The following IKZF4 variants were observed in gnomAD, a reference collection of about 807,000 sequenced individuals.
IKZF4 encodes the protein IKAROS family zinc finger 4, also known as zinc finger protein Eos.
A neutral mutation model predicts 47.7 loss-of-function variants in IKZF4; 11 were observed. The ratio of observed to expected loss-of-function variants is 0.23; its 90% CI spans 0.15 to 0.38. The LOEUF is 0.38. Among genes scored for constraint, IKZF4 ranks in the 10% least tolerant of loss-of-function variants. The pLI is 1.00. For synonymous variants in IKZF4, 298 were observed against 299.4 expected (o/e 1.00, Z 0.05); for missense variants, 557 against 784.9 (o/e 0.71, Z 3.47).
At chr12:56,033,677 A>G (rs551139276) in intron 7 of IKZF4, among the ~76,000 whole-genome samples, 2 of 152,144 alleles carry the variant, frequency 1.3e-5, no homozygotes, top group South Asian at 4.1e-4. Context: ...ACTGCACTCC[A>G]TCCATCCTGG....
At chr12:56,014,287 A>T in intron 2 of IKZF4, among the ~76,000 whole-genome samples, 1 of 152,260 alleles carries the variant, frequency 6.6e-6, no homozygotes, top group East Asian at 1.9e-4. Context: ...TAAGCAGGAA[A>T]GCTCAGTTTA....
chr12:56,025,001 C>T, intron 2 of IKZF4, 53 bp from the exon 3 acceptor site: 1 of 1,552,510 alleles, frequency 6.4e-7, no homozygotes, highest in Non-Finnish European at 8.7e-7. Context: ...AGGCAATGGA[C>T]AGTAGATATC....
chr12:56,035,034 G>C lies in IKZF4; in HGVS notation c.1461G>C (p.Val487=), dbSNP rs775078028. ...PPPQPPPTIV[V]GRHSPAYAKE... ...CCCAGCCACCTCCCACCATTGTGGTGGGCCGGCACAGTCCTGCCTACGCCA... is the reference window on the plus strand; with the variant it reads ...CCCAGCCACCTCCCACCATTGTGGTCGGCCGGCACAGTCCTGCCTACGCCA... The change falls in exon 8 of 8, where the codon GTG becomes GTC. Residue 487 remains valine (V), a synonymous_variant. Coordinates refer to ENST00000547167, the MANE Select transcript of IKZF4 (RefSeq NM_022465.4). This position sits in a 1 kb window ranked among gnomAD's most constrained non-coding sequence, Gnocchi z 6.1. 2 of 1,560,436 alleles carry C rather than the reference G, an allele frequency of 1.3e-6. No homozygotes were observed. Among genetic ancestry groups the C allele is most frequent in the Non-Finnish European group, 1.7e-6 (2 of 1,151,842 alleles).
chr12:56,008,419 C>T (rs1483169201), intron 1 of IKZF4, among the ~76,000 whole-genome samples: 1 of 152,046 alleles, frequency 6.6e-6, no homozygotes, highest in Non-Finnish European at 1.5e-5. Flanking sequence ...TCCTGTGTAC[C>T]AAAACAGCCC....
intron 5 of IKZF4, 76 bp downstream of exon 5, chr12:56,028,023 T>C (rs1254198367): frequency 4.9e-6 from 7 of 1,417,752 alleles, no homozygotes; most frequent in Non-Finnish European, 6.5e-6. Flanking sequence ...ACTTCTCTTG[T>C]ATTTGGGGAG....
At position 56,021,550 on chromosome 12, in the gene IKZF4, C is replaced by G. The variant is rs1314056419; in HGVS notation, c.57C>G (p.Thr19=). 1.9e-6 allele frequency: 3 copies of G among 1,608,438 alleles called. No individual in the cohort carries two copies. In the African/African-American group the frequency reaches 4.0e-5, roughly 22 times the overall value. Residue 19 remains threonine, a synonymous_variant, in exon 1 of 8, where the codon ACC becomes ACG. Coordinates refer to ENST00000547167, the MANE Select transcript of IKZF4 (RefSeq NM_022465.4). ...RRFQGGGRVR[T]PGSHRQGKDN... ...TCCAAGGCGGCGGCCGCGTTCGCAC[C>G]CCAGGGTCTCACCGGCAAGGGAAGG... is the stretch of plus-strand genomic sequence containing the variant.
chr12:56,034,189 C>T (rs1343361947), intron 7 of IKZF4, among the ~76,000 whole-genome samples: 1 of 152,182 alleles, frequency 6.6e-6, no homozygotes, highest in Non-Finnish European at 1.5e-5. Context: ...GCGTGAGCCA[C>T]CGCGCCCGGC....
chr12:56,010,193 C>G (rs938914844), intron 1 of IKZF4: 6 of 152,202 alleles, frequency 3.9e-5, no homozygotes, highest in Non-Finnish European at 8.8e-5. Flanking sequence ...CTTTATTGGT[C>G]TGTTGACTCT....
Position 56,038,303 on chromosome 12 carries a change from A to C in IKZF4, c.*2972A>C, listed in dbSNP as rs1895790098. On this transcript the variant is annotated 3_prime_UTR_variant, in exon 8 of 8. Transcript: ENST00000547167. The stretch of plus-strand genomic sequence containing the variant: ...TCAAGGGGAGTTAAACTAGCTTTTG[A>C]GACTTATTGCAAAGCATTTTGTATA... 2 of 152,312 alleles carry C rather than the reference A, an allele frequency of 1.3e-5. No individual in the cohort carries two copies. The highest frequency in any genetic ancestry group is 2.9e-5 in the Non-Finnish European group (2 of 68,004). 9.4% of individuals were successfully genotyped at this position (152,312 alleles called of 1,614,324 possible).
intron 1 of IKZF4, chr12:56,010,120 G>A (rs1891167959): frequency 6.6e-6 from 1 of 152,042 alleles, no homozygotes; most frequent in Admixed American, 6.6e-5. Flanking sequence ...TACTCTGTAG[G>A]AACAAATAAG....
chr12:56,034,581 G>A lies in IKZF4; in HGVS notation c.1008G>A (p.Gln336=). The A allele has an allele frequency of 6.2e-7, 1 of 1,606,670 alleles. No homozygotes were observed. ...TCCTGTTCTCCACAGGCGAAAAGCA[G>A]ATGCGCTTCAGCCTCTCAGACCTCC... is the stretch of plus-strand genomic sequence containing the variant. ...STPQKFVGEK[Q]MRFSLSDLPY... The change falls in exon 8 of 8, where the codon CAG becomes CAA. Residue 336 remains glutamine, a synonymous_variant. Coordinates refer to ENST00000547167, the MANE Select transcript of IKZF4 (RefSeq NM_022465.4).
At chr12:56,034,103 G>A (rs186502825) in intron 7 of IKZF4, among the ~76,000 whole-genome samples, 10 of 152,106 alleles carry the variant, frequency 6.6e-5, no homozygotes, top group East Asian at 5.8e-4. Context: ...GGGTTTCACC[G>A]TGTTAGCCAG....
chr12:56,026,004 C>G (rs1040499523), intron 3 of IKZF4, among the ~76,000 whole-genome samples: 2 of 152,080 alleles, frequency 1.3e-5, no homozygotes, highest in African/African-American at 2.4e-5. Flanking sequence ...GGCGTGATCT[C>G]AGCTCACTGC....
intron 3 of IKZF4, 123 bp downstream of exon 3, chr12:56,025,281 C>G (rs1893774328): frequency 2.6e-6 from 3 of 1,147,066 alleles, no homozygotes; most frequent in Admixed American, 2.9e-5. Flanking sequence ...TGCTTAGTCT[C>G]TAAGAGCAAT....
upstream of IKZF4, among the ~76,000 whole-genome samples, chr12:56,016,065 G>T (rs1419702391): frequency 6.8e-6 from 1 of 147,246 alleles, no homozygotes; most frequent in African/African-American, 2.5e-5. Context: ...CTGACAAAAT[G>T]TAAGAGAGAA....
At chr12:56,016,262 C>G (rs1286462638), upstream of IKZF4, among the ~76,000 whole-genome samples, 1 of 152,000 alleles carries the variant, frequency 6.6e-6, no homozygotes, top group East Asian at 1.9e-4. Context: ...ACAAGCAAAC[C>G]AAATCTTTAT....
In IKZF4 at chr12:56,021,054, T is replaced by C. The variant is rs1592917854; in HGVS notation, c.-440T>C. 1.8e-6 allele frequency: 2 copies of C among 1,132,514 alleles called. No individual in the cohort carries two copies. Among genetic ancestry groups the C allele is most frequent in the East Asian group, 5.7e-5 (1 of 17,578 alleles). The allele number at this position is 1,132,514 out of a possible 1,614,324, so 70.2% of individuals were successfully genotyped here. ...TCTCTCTCTTGCACACACTCTTGCC[T>C]CTCTCAGGCATTTGTTGTGCAGTTC... On this transcript the variant is annotated 5_prime_UTR_variant, in exon 1 of 8. Transcript: ENST00000547167.
In IKZF4 at chr12:56,028,678, G is replaced by A. The variant is rs573505102; in HGVS notation, c.715+731G>A. 3.0e-4 allele frequency among the ~76,000 whole-genome samples: 45 copies of A among 151,954 alleles called. 3 individuals carry two copies. Among genetic ancestry groups the A allele is most frequent in the African/African-American group, 1.1e-3 (45 of 41,420 alleles). The stretch of plus-strand genomic sequence containing the variant: ...GCTCCCTGCAGTCTTGATCTCCTGA[G>A]CTCAAGCCATCCTCCCACCTCAGCT... On this transcript the variant is annotated intron_variant, in intron 5 of 7. Transcript: ENST00000547167.
chr12:56,034,985 T>C lies in IKZF4; in HGVS notation c.1412T>C (p.Val471Ala), dbSNP rs770801919. The C allele has an allele frequency of 9.0e-6, 14 of 1,559,572 alleles. No individual in the cohort carries two copies. The highest frequency in any genetic ancestry group is 1.0e-5 in the Non-Finnish European group (12 of 1,150,346). The change falls in exon 8 of 8, where the codon GTA becomes GCA. Residue 471 changes from valine to alanine, a missense_variant. Coordinates refer to ENST00000547167, the MANE Select transcript of IKZF4 (RefSeq NM_022465.4). ...CACGAAGATCGGGTTGCGGGGGTGG[T>C]ATCCCTCCCTCAGGGTCCCCCACCC... The part of the protein sequence containing the change: ...SNHEDRVAGV[V>A]SLPQGPPPQP...
Sources: allele counts gnomAD v4.1 joint callset (sites outside exome capture counted in the v4.1 genomes callset), GRCh38; gene constraint gnomAD v4.1.1; non-coding constraint Gnocchi (gnomAD v3.1); transcripts MANE v1.5; gene names NCBI Gene and HGNC (gene_info 2026-07-23, HGNC 2026-07-21).